STAB2: variants seen among roughly 807,000 people sequenced by gnomAD.
STAB2 encodes the protein stabilin-2.
In STAB2, 288 loss-of-function variants were observed where a neutral mutation model predicts 338.1. The observed-to-expected ratio is 0.85, with a 90% CI of 0.77 to 0.94. STAB2 has a LOEUF of 0.94. Ranked by LOEUF, STAB2 falls within the 40% of genes least tolerant of loss-of-function variation. The pLI, the probability that STAB2 is intolerant of heterozygous loss-of-function variation, is 0.00. For missense variants in STAB2, 3,141 were observed against 3,210.1 expected (o/e 0.98, Z 0.52); for synonymous variants, 1,202 against 1,193.3 (o/e 1.01, Z -0.15).
At chr12:103,624,224 C>T (rs1052735974) in intron 5 of STAB2, among the ~76,000 whole-genome samples, 1 of 152,232 alleles carries the variant, frequency 6.6e-6, no homozygotes, top group Non-Finnish European at 1.5e-5. Flanking sequence ...GCTGTGGTAT[C>T]TTTATCTCCA....
rs376115536 is a variant in STAB2, at chr12:103,750,594, G to A, written c.6454G>A (p.Glu2152Lys). The part of the protein sequence containing the change: ...KMTGPGKHKC[E>K]CKSHYVGDGL... The stretch of plus-strand genomic sequence containing the variant: ...CCCTCCACAGGGCAAGCACAAGTGT[G>A]AGTGTAAAAGTCACTATGTCGGAGA... The change falls in exon 60 of 69, where the codon GAG (glutamate) becomes AAG (lysine). Residue 2152 changes from glutamate to lysine, a missense_variant. Glu to Lys is a moderately conservative substitution (Grantham distance 56). Transcript: ENST00000388887. The A allele has an allele frequency of 5.5e-5, 88 of 1,614,074 alleles. No homozygotes were observed. The highest frequency in any genetic ancestry group is 7.3e-5 in the Non-Finnish European group (86 of 1,180,028).
At chr12:103,606,543 ATTC>A (rs758423938) in intron 3 of STAB2, among the ~76,000 whole-genome samples, 3 of 152,090 alleles carry the variant, frequency 2.0e-5, no homozygotes, top group Non-Finnish European at 2.9e-5. Context: ...CTAGTGATTA[ATTC>A]TTCTACCTTT....
At position 103,762,362 on chromosome 12, in the gene STAB2, T is replaced by G; in HGVS notation, c.7448T>G (p.Phe2483Cys). The G allele has an allele frequency of 6.2e-7, 1 of 1,614,198 alleles. No individual in the cohort carries two copies. Among genetic ancestry groups the G allele is most frequent in the Non-Finnish European group, 8.5e-7 (1 of 1,180,034 alleles). Residue 2483 changes from phenylalanine (F) to cysteine (C), a missense_variant, in exon 67 of 69, where the codon TTT becomes TGT. Physicochemically the swap from Phe to Cys is radical, Grantham distance 205. Coordinates refer to ENST00000388887, the MANE Select transcript of STAB2 (RefSeq NM_017564.10). Reference protein sequence around the residue: ...GAVALAAYSYFRINRRTIGFQ... With the variant: ...GAVALAAYSYCRINRRTIGFQ... ...GTTGCCTTGGCTGCTTACTCCTACT[T>G]TCGGATAAACCGGAGAACAATCGGC... is the stretch of plus-strand genomic sequence containing the variant.
At chr12:103,593,571 A>G (rs1180875955) in intron 2 of STAB2, among the ~76,000 whole-genome samples, 1 of 152,222 alleles carries the variant, frequency 6.6e-6, no homozygotes, top group Admixed American at 6.5e-5. Context: ...CCATTCAAAA[A>G]AAGTCAACTC....
At chr12:103,716,277 C>T (rs1257614951) in intron 43 of STAB2, among the ~76,000 whole-genome samples, 5 of 152,216 alleles carry the variant, frequency 3.3e-5, no homozygotes, top group Non-Finnish European at 5.9e-5. Context: ...ACTGTGGGCA[C>T]TCTACCAGTC....
intron 3 of STAB2, among the ~76,000 whole-genome samples, chr12:103,610,957 T>C (rs1957113237): frequency 6.6e-6 from 1 of 152,244 alleles, no homozygotes; most frequent in South Asian, 2.1e-4. Flanking sequence ...CCAGTAGTCA[T>C]TCAGGAGCAG....
At chr12:103,761,236 T>C in intron 65 of STAB2, 64 bp from the exon 66 acceptor site, 5 of 1,477,636 alleles carry the variant, frequency 3.4e-6, no homozygotes, top group Admixed American at 3.4e-5. Flanking sequence ...TTGAACAACT[T>C]CCCTCCATGG....
intron 12 of STAB2, among the ~76,000 whole-genome samples, chr12:103,653,531 CATGG>C (rs200766638): frequency 1.3e-5 from 2 of 149,346 alleles, no homozygotes; most frequent in African/African-American, 2.5e-5. Context: ...ATGGATGATG[CATGG>C]ATGGATGGAT....
intron 33 of STAB2, among the ~76,000 whole-genome samples, chr12:103,698,614 C>T (rs745696278): frequency 1.7e-4 from 26 of 152,090 alleles, no homozygotes; most frequent in Non-Finnish European, 3.4e-4. Context: ...CAGCAACAAC[C>T]CTCCTCACTT....
intron 25 of STAB2, 147 bp downstream of exon 25, chr12:103,677,758 C>A: frequency 1.1e-6 from 1 of 941,632 alleles, no homozygotes; most frequent in South Asian, 2.5e-5. Flanking sequence ...ATTGCCACAA[C>A]AAACCTATGA....
Position 103,670,703 on chromosome 12 carries a change from A to G in STAB2, c.2267A>G (p.Asp756Gly). 6.2e-7 allele frequency: 1 copy of G among 1,613,956 alleles called. No homozygotes were observed. Residue 756 changes from aspartate (D) to glycine (G), a missense_variant, in exon 22 of 69, where the codon GAT becomes GGT. Transcript: ENST00000388887. ...NPCSGNGQCA[D>G]SLGGNGTCIC... ...CCCTGCCTTTGCTCCCAGTGTGCAGATAGCCTCGGCGGCAACGGGACATGC... is the reference window on the plus strand; with the variant it reads ...CCCTGCCTTTGCTCCCAGTGTGCAGGTAGCCTCGGCGGCAACGGGACATGC...
chr12:103,643,144 T>TGGATA (rs1294119870), intron 9 of STAB2, among the ~76,000 whole-genome samples: 1 of 152,012 alleles, frequency 6.6e-6, no homozygotes, highest in Non-Finnish European at 1.5e-5. Context: ...CCTCCCAAGG[T>TGGATA]GGATAGGGGT....
intron 52 of STAB2, among the ~76,000 whole-genome samples, chr12:103,735,796 A>G (rs542215059): frequency 3.3e-5 from 5 of 152,252 alleles, no homozygotes; most frequent in South Asian, 2.1e-4. Flanking sequence ...CCCTCCTAGC[A>G]GGTGGCAGGA....
Position 103,720,711 on chromosome 12 carries a change from T to C in STAB2, c.4683+2870T>C, listed in dbSNP as rs187657990. 6.2e-4 allele frequency among the ~76,000 whole-genome samples: 94 copies of C among 152,318 alleles called. 1 individual carries two copies. Among genetic ancestry groups the C allele is most frequent in the Admixed American group, 3.2e-3 (49 of 15,300 alleles). On this transcript the variant is annotated intron_variant, in intron 44 of 68. Transcript: ENST00000388887. ...TGAGTTAGTCCCCAGTCCAAACTGT[T>C]TTAGTTCATTTGTGCTGCTTTAACA...
At chr12:103,737,592 C>CTG in intron 52 of STAB2, 42 bp from the exon 53 acceptor site, 1 of 1,404,618 alleles carries the variant, frequency 7.1e-7, no homozygotes, top group Non-Finnish European at 9.6e-7. Flanking sequence ...CTCTCTCTCT[C>CTG]TCTCTCTCTT....
chr12:103,594,234 A>G (rs1046224931), intron 2 of STAB2, among the ~76,000 whole-genome samples, 161 bp from the exon 3 acceptor site: 1 of 152,170 alleles, frequency 6.6e-6, no homozygotes, highest in Non-Finnish European at 1.5e-5. Flanking sequence ...AAATAATCAT[A>G]ATTAAGTTTT....
At chr12:103,645,773 T>C (rs1162587775) in intron 9 of STAB2, among the ~76,000 whole-genome samples, 1 of 152,182 alleles carries the variant, frequency 6.6e-6, no homozygotes, top group East Asian at 1.9e-4. Flanking sequence ...TCTACTGACA[T>C]TTTTGGCCAG....
rs1283499049 is a variant in STAB2, at chr12:103,738,900, G to A, written c.5698-512G>A. ...TTTTCCCTTCAGAGAACAAAACCACGGAGCTAATGCCCAAGACAGATCTTC... is the reference window on the plus strand; with the variant it reads ...TTTTCCCTTCAGAGAACAAAACCACAGAGCTAATGCCCAAGACAGATCTTC... On this transcript the variant is annotated intron_variant, in intron 53 of 68. Coordinates refer to ENST00000388887, the MANE Select transcript of STAB2 (RefSeq NM_017564.10). 5.3e-5 allele frequency among the ~76,000 whole-genome samples: 8 copies of A among 152,278 alleles called. No individual in the cohort carries two copies. In the East Asian group the frequency reaches 1.3e-3, roughly 26 times the overall value.
At chr12:103,652,851 G>A in intron 12 of STAB2, 146 bp downstream of exon 12, 3 of 913,048 alleles carry the variant, frequency 3.3e-6, no homozygotes, top group Non-Finnish European at 4.6e-6. Flanking sequence ...ACCTTATATA[G>A]GAAGAAACAG....
Sources: gnomAD v4.1 joint callset for allele counts (sites outside exome capture counted in the v4.1 genomes callset) on GRCh38, gnomAD v4.1.1 for gene constraint, MANE v1.5 for transcripts, NCBI Gene and HGNC (gene_info 2026-07-23, HGNC 2026-07-21) for gene names.